The following PPP6R3 variants were observed in gnomAD, a reference collection of about 807,000 sequenced individuals.
PPP6R3 encodes serine/threonine-protein phosphatase 6 regulatory subunit 3.
PPP6R3 carries 38 observed loss-of-function variants against 110.7 expected under a neutral mutation model. That is an observed-to-expected ratio of 0.34 (90% CI 0.26 to 0.45). PPP6R3 has a LOEUF of 0.45. Among genes scored for constraint, PPP6R3 ranks in the 20% least tolerant of loss-of-function variants. The probability of loss-of-function intolerance (pLI) is 1.00; values close to 1 mark genes in which losing one functional copy is unlikely to be tolerated. For synonymous variants in PPP6R3, 369 were observed against 373.5 expected (o/e 0.99, Z 0.14); for missense variants, 870 against 1,062.4 (o/e 0.82, Z 2.52).
At chr11:68,514,559 A>AT (rs943563381) in intron 1 of PPP6R3, among the ~76,000 whole-genome samples, 49 of 151,884 alleles carry the variant, frequency 3.2e-4, no homozygotes, top group African/African-American at 1.1e-3. Context: ...GTATTCTCTC[A>AT]TTTTTTTTAT....
At chr11:68,576,108 A>G (rs2099530339) in intron 14 of PPP6R3, 65 bp downstream of exon 14, 2 of 1,192,482 alleles carry the variant, frequency 1.7e-6, no homozygotes, top group Non-Finnish European at 2.4e-6. Flanking sequence ...TTTATTCAGA[A>G]AGATGTAAAA....
rs555320293 is a variant in PPP6R3, at chr11:68,531,453, T to A, written c.-6-6206T>A. Reference sequence around the variant, plus strand: ...CCCAGGCTCAGGTGATTCTCCCACCTCAGCCTCCCGAGTAGCTGGGACTAC... The same window carrying A: ...CCCAGGCTCAGGTGATTCTCCCACCACAGCCTCCCGAGTAGCTGGGACTAC... On this transcript the variant is annotated intron_variant, in intron 2 of 23. Coordinates refer to ENST00000393800, the MANE Select transcript of PPP6R3 (RefSeq NM_001164161.2). Among the ~76,000 whole-genome samples the A allele has an allele frequency of 4.6e-5, 7 of 152,120 alleles. No homozygotes were observed. The East Asian group carries it at 1.4e-3, about 29-fold the overall frequency.
chr11:68,475,891 C>A (rs2098827745), intron 1 of PPP6R3, among the ~76,000 whole-genome samples: 1 of 151,870 alleles, frequency 6.6e-6, no homozygotes, highest in Non-Finnish European at 1.5e-5. Context: ...GCGCTCTCCA[C>A]ATCTCAGACG....
chr11:68,497,172 G>A lies in PPP6R3; in HGVS notation c.-157-22329G>A, dbSNP rs369451575. Among the ~76,000 whole-genome samples the A allele has an allele frequency of 3.3e-3, 500 of 151,156 alleles. 6 individuals are homozygous for A. Among genetic ancestry groups the A allele is most frequent in the African/African-American group, 0.012 (476 of 41,200 alleles). ...CGCCATTCTCCTGCCTCAGCCTCCC[G>A]AGTAGCTGGGACTACAGGTGCCCGC... On this transcript the variant is annotated intron_variant, in intron 1 of 23. Transcript: ENST00000393800.
intron 1 of PPP6R3, among the ~76,000 whole-genome samples, chr11:68,463,249 A>T (rs1052781010): frequency 1.3e-5 from 2 of 150,086 alleles, no homozygotes; most frequent in Non-Finnish European, 3.0e-5. Context: ...TGTGACTGTA[A>T]TCCCAGTTAT....
chr11:68,533,974 G>T (rs1399371077), intron 2 of PPP6R3, among the ~76,000 whole-genome samples: 2 of 152,122 alleles, frequency 1.3e-5, no homozygotes, highest in Non-Finnish European at 2.9e-5. Context: ...ATAGTGATTT[G>T]GGGACCACGG....
intron 1 of PPP6R3, among the ~76,000 whole-genome samples, chr11:68,482,875 G>A (rs917091428): frequency 3.3e-5 from 5 of 151,798 alleles, no homozygotes; most frequent in African/African-American, 1.2e-4. Flanking sequence ...CCATACTATT[G>A]TGCCGTTCTT....
At chr11:68,483,737 C>T (rs1270206640) in intron 1 of PPP6R3, among the ~76,000 whole-genome samples, 1 of 152,220 alleles carries the variant, frequency 6.6e-6, no homozygotes, top group African/African-American at 2.4e-5. Flanking sequence ...CTTCTTTGGT[C>T]TCCCAAAGTG....
chr11:68,515,543 A>G (rs186427500), intron 1 of PPP6R3, among the ~76,000 whole-genome samples: 1 of 152,330 alleles, frequency 6.6e-6, no homozygotes, highest in Admixed American at 6.5e-5. Flanking sequence ...CAGAATTCTA[A>G]TGTTCACAAA....
At chr11:68,488,212 T>C (rs995044781) in intron 1 of PPP6R3, among the ~76,000 whole-genome samples, 5 of 152,256 alleles carry the variant, frequency 3.3e-5, no homozygotes, top group African/African-American at 1.2e-4. Context: ...TAACATGATA[T>C]ATCTTTTTCC....
At chr11:68,604,095 T>G (rs759894417) in intron 22 of PPP6R3, among the ~76,000 whole-genome samples, 2 of 152,200 alleles carry the variant, frequency 1.3e-5, no homozygotes, top group Non-Finnish European at 2.9e-5. Context: ...TTCCAGCCAT[T>G]ACAAGAAGGA....
At chr11:68,487,375 C>G (rs1266461065) in intron 1 of PPP6R3, among the ~76,000 whole-genome samples, 17 of 150,252 alleles carry the variant, frequency 1.1e-4, no homozygotes, top group African/African-American at 3.9e-4. Flanking sequence ...CTATGATCAG[C>G]CTGGCCAACA....
chr11:68,539,232 GA>G (rs2099294109), intron 3 of PPP6R3, among the ~76,000 whole-genome samples: 1 of 152,180 alleles, frequency 6.6e-6, no homozygotes, highest in Admixed American at 6.5e-5. Flanking sequence ...AGAAGAGTAT[GA>G]CCCTCTTCTC....
intron 9 of PPP6R3, 159 bp from the exon 10 acceptor site, chr11:68,566,855 T>G: frequency 4.1e-6 from 2 of 493,444 alleles, no homozygotes; most frequent in Non-Finnish European, 6.7e-6. Context: ...GTTATTTCAT[T>G]GTATCTTAAA....
chr11:68,543,039 A>G (rs2099328075), intron 3 of PPP6R3, among the ~76,000 whole-genome samples: 1 of 152,208 alleles, frequency 6.6e-6, no homozygotes, highest in Admixed American at 6.5e-5. Context: ...GTGAAAATAA[A>G]GAGGAATGAA....
chr11:68,597,158 C>T (rs556969027), intron 19 of PPP6R3, among the ~76,000 whole-genome samples: 1 of 152,202 alleles, frequency 6.6e-6, no homozygotes, highest in African/African-American at 2.4e-5. Context: ...CAGACTCTGC[C>T]TCCAGGGGCT....
intron 16 of PPP6R3, among the ~76,000 whole-genome samples, chr11:68,589,363 G>GT (rs947953436): frequency 9.2e-5 from 14 of 152,186 alleles, no homozygotes; most frequent in African/African-American, 3.4e-4. Flanking sequence ...GTAGATTTGG[G>GT]TTTTTTGCAA....
At chr11:68,520,875 G>A (rs942303373) in intron 2 of PPP6R3, among the ~76,000 whole-genome samples, 7 of 152,102 alleles carry the variant, frequency 4.6e-5, no homozygotes, top group African/African-American at 1.2e-4. Context: ...GGGTTCAAGC[G>A]ATTATCCGGT....
At chr11:68,494,301 G>A (rs958655249) in intron 1 of PPP6R3, among the ~76,000 whole-genome samples, 1 of 150,780 alleles carries the variant, frequency 6.6e-6, no homozygotes, top group Non-Finnish European at 1.5e-5. Flanking sequence ...CGAGGCGGGC[G>A]GATCACGAGG....
Sources: gnomAD v4.1 joint callset for allele counts (sites outside exome capture counted in the v4.1 genomes callset) on GRCh38, gnomAD v4.1.1 for gene constraint, MANE v1.5 for transcripts, NCBI Gene and HGNC (gene_info 2026-07-23, HGNC 2026-07-21) for gene names.